TSHZ2: variants seen among roughly 807,000 people sequenced by gnomAD.
The protein encoded by TSHZ2 is teashirt homolog 2.
TSHZ2 carries 21 observed loss-of-function variants against 74.4 expected under a neutral mutation model. The observed-to-expected ratio is 0.28, with a 90% CI of 0.20 to 0.41. The LOEUF is 0.41. Among genes scored for constraint, TSHZ2 ranks in the 10% least tolerant of loss-of-function variants. The pLI is 1.00. For missense variants in TSHZ2, 1,244 were observed against 1,293.5 expected (o/e 0.96, Z 0.59); for synonymous variants, 540 against 515.3 (o/e 1.05, Z -0.65).
chr20:53,190,125 A>T (rs1381796169), intron 1 of TSHZ2, among the ~76,000 whole-genome samples: 5 of 91,324 alleles, frequency 5.5e-5, no homozygotes, highest in African/African-American at 2.5e-4. Context: ...ATATATATAT[A>T]TATATATATA....
At chr20:53,425,071 G>A (rs559328507) in intron 2 of TSHZ2, among the ~76,000 whole-genome samples, 18 of 152,088 alleles carry the variant, frequency 1.2e-4, no homozygotes, top group African/African-American at 4.1e-4. Context: ...ATTCCTTTGG[G>A]TATATAACTG....
chr20:53,253,428 T>A lies in TSHZ2; in HGVS notation c.41-71T>A, dbSNP rs200425318. ...TCAGTTCGGCATGGGAAGCACTTAG[T>A]CTATGTGAGGAAATTGGAATGGAAT... On this transcript the variant is annotated intron_variant, in intron 1 of 2. Transcript: ENST00000371497. 4.6e-3 allele frequency: 6,994 copies of A among 1,517,132 alleles called. 18 individuals carry two copies. Among genetic ancestry groups the A allele is most frequent in the Admixed American group, 7.2e-3 (336 of 46,644 alleles). 94.0% of individuals were successfully genotyped at this position (1,517,132 alleles called of 1,614,324 possible). A position where few individuals can be genotyped will look rare whatever the true frequency, so the allele number is the denominator to read the frequency against.
chr20:53,080,569 G>A (rs1460527155), intron 1 of TSHZ2, among the ~76,000 whole-genome samples: 1 of 152,162 alleles, frequency 6.6e-6, no homozygotes, highest in Non-Finnish European at 1.5e-5. Flanking sequence ...TTTCACCTCG[G>A]ATGATCAGGC....
intron 2 of TSHZ2, among the ~76,000 whole-genome samples, chr20:53,466,300 G>T (rs79530282): frequency 6.7e-6 from 1 of 149,660 alleles, no homozygotes; most frequent in African/African-American, 2.5e-5. Flanking sequence ...AAAAAAAAAA[G>T]TCTACCTTGT....
At chr20:53,253,384 A>T (rs549825745) in intron 1 of TSHZ2, 115 bp from the exon 2 acceptor site, 1 of 1,480,088 alleles carries the variant, frequency 6.8e-7, no homozygotes, top group Non-Finnish European at 8.9e-7. Flanking sequence ...GTGCATAAAA[A>T]TGTAGATTAA....
intron 2 of TSHZ2, among the ~76,000 whole-genome samples, chr20:53,269,197 A>T (rs1011729213): frequency 1.3e-5 from 2 of 151,962 alleles, no homozygotes; most frequent in Non-Finnish European, 1.5e-5. Flanking sequence ...TTTCCTCTCA[A>T]TTCCCTTCCC....
intron 1 of TSHZ2, among the ~76,000 whole-genome samples, chr20:53,192,798 C>A (rs1687414139): frequency 6.6e-6 from 1 of 152,190 alleles, no homozygotes; most frequent in Non-Finnish European, 1.5e-5. Flanking sequence ...GCTCACATCT[C>A]CTGATTTTCA....
intron 1 of TSHZ2, among the ~76,000 whole-genome samples, chr20:52,998,586 G>A (rs1211479904): frequency 2.0e-5 from 3 of 152,224 alleles, no homozygotes; most frequent in East Asian, 1.9e-4. Flanking sequence ...ATCCACCCTC[G>A]CCAGTACAGG....
chr20:53,050,152 T>TAG (rs1288483237), intron 1 of TSHZ2, among the ~76,000 whole-genome samples: 1 of 83,276 alleles, frequency 1.2e-5, no homozygotes, highest in African/African-American at 3.7e-5. Flanking sequence ...TATATATATA[T>TAG]ACACATATAT....
At chr20:53,108,772 T>TCACATCCTCAAGAGTAACAGAGCCC (rs1986450083) in intron 1 of TSHZ2, among the ~76,000 whole-genome samples, 1 of 152,222 alleles carries the variant, frequency 6.6e-6, no homozygotes, top group African/African-American at 2.4e-5. Flanking sequence ...AGAATCTGTA[T>TCACATCCTCAAGAGTAACAGAGCCC]CACATCCTCA....
At chr20:53,356,456 C>T (rs1295626157) in intron 2 of TSHZ2, among the ~76,000 whole-genome samples, 1 of 152,180 alleles carries the variant, frequency 6.6e-6, no homozygotes, top group East Asian at 1.9e-4. Flanking sequence ...CTTTAACAGC[C>T]TGCTGTCACC....
chr20:53,130,921 C>T (rs1277749415), intron 1 of TSHZ2, among the ~76,000 whole-genome samples: 2 of 152,230 alleles, frequency 1.3e-5, no homozygotes, highest in African/African-American at 4.8e-5. Context: ...AGCTACACTT[C>T]TTTGCATGCA....
At chr20:53,239,004 C>G (rs753732796) in intron 1 of TSHZ2, among the ~76,000 whole-genome samples, 1 of 152,086 alleles carries the variant, frequency 6.6e-6, no homozygotes, top group Non-Finnish European at 1.5e-5. Context: ...GGTGGTTAGA[C>G]GTAAACAGGA....
At chr20:53,353,527 G>T (rs1980734437) in intron 2 of TSHZ2, among the ~76,000 whole-genome samples, 2 of 152,072 alleles carry the variant, frequency 1.3e-5, no homozygotes, top group African/African-American at 4.8e-5. Context: ...CATTTTTAAA[G>T]GCCATACAAG....
chr20:53,469,045 T>TTATTTATATATA (rs1555872220), intron 2 of TSHZ2, among the ~76,000 whole-genome samples: 1 of 49,112 alleles, frequency 2.0e-5, no homozygotes, highest in Non-Finnish European at 4.2e-5. Flanking sequence ...AATCGATATT[T>TTATTTATATATA]TATATATATA....
chr20:53,298,403 T>C (rs1991421736), intron 2 of TSHZ2, among the ~76,000 whole-genome samples: 1 of 152,218 alleles, frequency 6.6e-6, no homozygotes, highest in African/African-American at 2.4e-5. Context: ...ATGGATGGAC[T>C]ATGTGGACGG....
intron 2 of TSHZ2, among the ~76,000 whole-genome samples, chr20:53,462,287 T>C (rs1985403600): frequency 6.6e-6 from 1 of 152,062 alleles, no homozygotes; most frequent in Non-Finnish European, 1.5e-5. Flanking sequence ...CATTTTCTTA[T>C]AAGGACACCA....
chr20:53,483,024 A>T (rs1340446723), intron 2 of TSHZ2, among the ~76,000 whole-genome samples: 1 of 152,216 alleles, frequency 6.6e-6, no homozygotes, highest in African/African-American at 2.4e-5. Context: ...CACTGACCTT[A>T]CCAAAAGCCC....
At chr20:53,456,099 T>A (rs1985065255) in intron 2 of TSHZ2, among the ~76,000 whole-genome samples, 1 of 152,016 alleles carries the variant, frequency 6.6e-6, no homozygotes, top group African/African-American at 2.4e-5. Context: ...CTGGGTCAAA[T>A]GGTATTTCTA....
Sources: gnomAD v4.1 joint callset for allele counts (sites outside exome capture counted in the v4.1 genomes callset) on GRCh38, gnomAD v4.1.1 for gene constraint, MANE v1.5 for transcripts, NCBI Gene and HGNC (gene_info 2026-07-23, HGNC 2026-07-21) for gene names.